ILRUN: variants seen among roughly 807,000 people sequenced by gnomAD.
ILRUN encodes the protein protein ILRUN.
Under a neutral mutation model 33.8 loss-of-function variants are expected in ILRUN, and 3 were observed. The ratio of observed to expected loss-of-function variants is 0.09; its 90% CI spans 0.04 to 0.23. ILRUN has a LOEUF of 0.23. Among genes scored for constraint, ILRUN ranks in the 10% least tolerant of loss-of-function variants. The pLI, the probability that ILRUN is intolerant of heterozygous loss-of-function variation, is 1.00. For synonymous variants in ILRUN, 124 were observed against 138.9 expected, an observed-to-expected ratio of 0.89 and a Z score of 0.75; for missense variants, 210 against 375.1, an observed-to-expected ratio of 0.56 and a Z score of 3.64.
intron 1 of ILRUN, among the ~76,000 whole-genome samples, chr6:34,678,502 ATT>A (rs1763286326): frequency 6.6e-6 from 1 of 152,090 alleles, no homozygotes; most frequent in Non-Finnish European, 1.5e-5. Context: ...TTCATTCTGA[ATT>A]TGTTGGGTTT....
At chr6:34,682,970 A>G (rs1208664421) in intron 1 of ILRUN, among the ~76,000 whole-genome samples, 1 of 151,970 alleles carries the variant, frequency 6.6e-6, no homozygotes, top group East Asian at 1.9e-4. Flanking sequence ...CTCTAAAAAA[A>G]TTTTAAAAAT....
intron 1 of ILRUN, among the ~76,000 whole-genome samples, chr6:34,669,630 A>G (rs1178394772): frequency 6.6e-6 from 1 of 152,226 alleles, no homozygotes; most frequent in African/African-American, 2.4e-5. Flanking sequence ...TTGTGTGTGA[A>G]GGCCTCACAA....
At chr6:34,687,825 C>T (rs907177439) in intron 1 of ILRUN, among the ~76,000 whole-genome samples, 7 of 151,510 alleles carry the variant, frequency 4.6e-5, no homozygotes, top group African/African-American at 1.7e-4. Flanking sequence ...AACTCATACA[C>T]CGCGGTTGGG....
chr6:34,589,264 C>T lies in ILRUN; in HGVS notation c.*1301G>A, dbSNP rs935487921. The T allele has an allele frequency of 6.6e-6, 1 of 152,340 alleles. No homozygotes were observed. Among genetic ancestry groups the T allele is most frequent in the East Asian group, 1.9e-4 (1 of 5,200 alleles). The allele number at this position is 152,340 out of a possible 1,614,324, so 9.4% of individuals were successfully genotyped here. ...CAGGCCACCTGCCTGAGTGAGCAGC[C>T]AGTCAATCAGCCTCTTGCTTCAGCT... is the stretch of plus-strand genomic sequence containing the variant. On this transcript the variant is annotated 3_prime_UTR_variant, in exon 5 of 5. Transcript: ENST00000374023.
chr6:34,610,662 A>G (rs1761729575), intron 3 of ILRUN, among the ~76,000 whole-genome samples: 1 of 152,194 alleles, frequency 6.6e-6, no homozygotes, highest in South Asian at 2.1e-4. Context: ...AATCTGAAAC[A>G]CTTCTGGTCT....
At chr6:34,676,056 A>G (rs1019614973) in intron 1 of ILRUN, among the ~76,000 whole-genome samples, 1 of 152,208 alleles carries the variant, frequency 6.6e-6, no homozygotes, top group Non-Finnish European at 1.5e-5. Flanking sequence ...AAACAAAAAC[A>G]GAAAACAAAA....
intron 4 of ILRUN, chr6:34,595,931 T>TTGTA: frequency 1.0e-6 from 1 of 985,276 alleles, no homozygotes; most frequent in Non-Finnish European, 1.2e-6. Context: ...AGTGCTCCTT[T>TTGTA]TGTATCACTT....
At chr6:34,608,259 T>G (rs983292951) in intron 3 of ILRUN, among the ~76,000 whole-genome samples, 2 of 151,714 alleles carry the variant, frequency 1.3e-5, no homozygotes, top group Non-Finnish European at 2.9e-5. Flanking sequence ...CTGGGCATAG[T>G]GGCGGGTGCC....
intron 1 of ILRUN, among the ~76,000 whole-genome samples, chr6:34,673,378 T>C (rs1763155649): frequency 6.6e-6 from 1 of 152,132 alleles, no homozygotes; most frequent in Non-Finnish European, 1.5e-5. Flanking sequence ...TACAGTGTCA[T>C]AACCTACTAC....
At chr6:34,634,058 G>A (rs1762304934) in intron 3 of ILRUN, among the ~76,000 whole-genome samples, 1 of 152,018 alleles carries the variant, frequency 6.6e-6, no homozygotes, top group Admixed American at 6.6e-5. Flanking sequence ...CGAGGAATGA[G>A]ACCAGCCTGG....
At chr6:34,677,844 C>T (rs954440918) in intron 1 of ILRUN, among the ~76,000 whole-genome samples, 3 of 148,714 alleles carry the variant, frequency 2.0e-5, no homozygotes, top group African/African-American at 7.5e-5. Flanking sequence ...AGCTACTTGA[C>T]GGGCTGAGGT....
chr6:34,680,566 G>A (rs1334806827), intron 1 of ILRUN, among the ~76,000 whole-genome samples: 1 of 152,006 alleles, frequency 6.6e-6, no homozygotes, highest in Non-Finnish European at 1.5e-5. Flanking sequence ...CTAGGCTCAA[G>A]TGATTCTCCT....
At chr6:34,642,497 A>G (rs559164490) in intron 3 of ILRUN, among the ~76,000 whole-genome samples, 108 of 152,318 alleles carry the variant, frequency 7.1e-4, no homozygotes, top group Middle Eastern at 3.4e-3. Context: ...TCAAATAACT[A>G]TAACAGGAGA....
chr6:34,618,701 C>A (rs1360460026), intron 3 of ILRUN, among the ~76,000 whole-genome samples: 2 of 152,206 alleles, frequency 1.3e-5, no homozygotes, highest in Non-Finnish European at 2.9e-5. Context: ...CTCTCTTCCT[C>A]CCCCTCATTC....
At chr6:34,695,529 C>T (rs954308553) in intron 1 of ILRUN, among the ~76,000 whole-genome samples, 2 of 152,204 alleles carry the variant, frequency 1.3e-5, no homozygotes, top group African/African-American at 4.8e-5. Flanking sequence ...ATTCAGCCTT[C>T]TACAAGGTGA....
intron 3 of ILRUN, among the ~76,000 whole-genome samples, chr6:34,630,972 G>T (rs1442239125): frequency 6.6e-6 from 1 of 152,078 alleles, no homozygotes; most frequent in Non-Finnish European, 1.5e-5. Flanking sequence ...CTAGCATTTT[G>T]ATTCTTTCTT....
At chr6:34,650,386 A>G (rs1269503599) in intron 2 of ILRUN, among the ~76,000 whole-genome samples, 1 of 150,470 alleles carries the variant, frequency 6.6e-6, no homozygotes, top group African/African-American at 2.4e-5. Context: ...AAATATTAGG[A>G]GCTTAATTTT....
intron 3 of ILRUN, among the ~76,000 whole-genome samples, chr6:34,625,442 C>T (rs1762102960): frequency 6.6e-6 from 1 of 152,198 alleles, no homozygotes; most frequent in South Asian, 2.1e-4. Context: ...AAAAGGCAGT[C>T]AAACCACTCG....
intron 3 of ILRUN, among the ~76,000 whole-genome samples, 170 bp from the exon 4 acceptor site, chr6:34,607,074 T>C (rs563968035): frequency 4.0e-4 from 61 of 152,230 alleles, no homozygotes; most frequent in Admixed American, 7.9e-4. Context: ...ATTGCATGCA[T>C]AGCTACATTT....
Sources: gnomAD v4.1 joint callset for allele counts (sites outside exome capture counted in the v4.1 genomes callset) on GRCh38, gnomAD v4.1.1 for gene constraint, MANE v1.5 for transcripts, NCBI Gene and HGNC (gene_info 2026-07-23, HGNC 2026-07-21) for gene names.